PDE5A: variants seen among roughly 807,000 people sequenced by gnomAD.
PDE5A encodes cGMP-specific 3',5'-cyclic phosphodiesterase.
Under a neutral mutation model 110.2 loss-of-function variants are expected in PDE5A, and 67 were observed. The observed-to-expected ratio is 0.61, with a 90% CI of 0.50 to 0.75. PDE5A has a LOEUF of 0.75. PDE5A is among the 30% of genes least tolerant of loss of function. The pLI is 0.00. For synonymous variants in PDE5A, 328 were observed against 351.2 expected (o/e 0.93, Z 0.74); for missense variants, 862 against 1,045.1 (o/e 0.82, Z 2.42).
At position 119,496,875 on chromosome 4, in the gene PDE5A, A is replaced by C. The variant is rs1287311292; in HGVS notation, c.*1726T>G. ...GTATACAATACATATAGCATTAAAC[A>C]GTTGGTAACTTCCTAGATTAACCTT... On this transcript the variant is annotated 3_prime_UTR_variant, in exon 21 of 21. Coordinates refer to ENST00000354960, the MANE Select transcript of PDE5A (RefSeq NM_001083.4). The C allele has an allele frequency of 1.3e-5, 2 of 152,608 alleles. No homozygotes were observed. Among genetic ancestry groups the C allele is most frequent in the East Asian group, 3.9e-4 (2 of 5,192 alleles). The allele number at this position is 152,608 out of a possible 1,614,324, so 9.5% of individuals were successfully genotyped here.
chr4:119,627,139 G>A lies in PDE5A; in HGVS notation c.152+1381C>T. On this transcript the variant is annotated intron_variant, in intron 1 of 20. Coordinates refer to ENST00000354960, the MANE Select transcript of PDE5A (RefSeq NM_001083.4). This position sits in a 1 kb window ranked among gnomAD's most constrained non-coding sequence, Gnocchi z 4.6. The stretch of plus-strand genomic sequence containing the variant: ...GTGGGAAGGGACGTAGGGGGATGCT[G>A]AAGGAAGTACCTTGTTTTGTCTCCA... 6.2e-7 allele frequency: 1 copy of A among 1,612,660 alleles called. No homozygotes were observed. Among genetic ancestry groups the A allele is most frequent in the Non-Finnish European group, 8.5e-7 (1 of 1,179,246 alleles).
At chr4:119,511,348 GCCA>G (rs1228174947) in intron 14 of PDE5A, among the ~76,000 whole-genome samples, 54 of 151,962 alleles carry the variant, frequency 3.6e-4, no homozygotes, top group Non-Finnish European at 6.0e-4. Context: ...TGTGACCATT[GCCA>G]GAGTAAAGTA....
intron 10 of PDE5A, chr4:119,542,095 A>G (rs1255466042): frequency 9.8e-5 from 17 of 174,216 alleles, no homozygotes. Context: ...TTTTTCCACA[A>G]CTGTTCTCAC....
chr4:119,586,046 GCCA>G (rs1728754292), intron 3 of PDE5A, among the ~76,000 whole-genome samples: 1 of 152,190 alleles, frequency 6.6e-6, no homozygotes, highest in Non-Finnish European at 1.5e-5. Flanking sequence ...AGCTTGCTAA[GCCA>G]CTCCAGAATT....
chr4:119,620,903 A>G (rs1157427692), intron 1 of PDE5A, among the ~76,000 whole-genome samples: 4 of 152,180 alleles, frequency 2.6e-5, no homozygotes, highest in Non-Finnish European at 5.9e-5. Context: ...GTTCAGAGAG[A>G]CCCAGTGGGA....
At chr4:119,594,485 TG>T (rs5861434) in intron 3 of PDE5A, among the ~76,000 whole-genome samples, 115,285 of 152,078 alleles carry the variant, frequency 0.76, 44,042 homozygotes, top group East Asian at 0.89. Flanking sequence ...AGATGAAATT[TG>T]AGTTGGATTT....
chr4:119,613,571 A>G (rs1191021907), intron 1 of PDE5A, among the ~76,000 whole-genome samples: 1 of 152,170 alleles, frequency 6.6e-6, no homozygotes, highest in East Asian at 1.9e-4. Flanking sequence ...ATGTACACAA[A>G]TAAGTAACGG....
intron 2 of PDE5A, among the ~76,000 whole-genome samples, chr4:119,597,620 G>A (rs141277194): frequency 2.8e-4 from 42 of 152,092 alleles, no homozygotes; most frequent in African/African-American, 1.0e-3. Context: ...TCTAATAATA[G>A]CATCACTGCT....
intron 3 of PDE5A, among the ~76,000 whole-genome samples, chr4:119,571,677 GT>G (rs533963266): frequency 6.6e-6 from 1 of 152,158 alleles, no homozygotes; most frequent in African/African-American, 2.4e-5. Flanking sequence ...ATTTCTGGTA[GT>G]TTTTTTACAG....
In PDE5A at chr4:119,496,164, G is replaced by A. The variant is rs1428866978; in HGVS notation, c.*2437C>T. ...GTGGGGACTTTTCTGGCTAAAAATT[G>A]TAATTAAATGGTATGTTACTCTGTT... is the stretch of plus-strand genomic sequence containing the variant. On this transcript the variant is annotated 3_prime_UTR_variant, in exon 21 of 21. Transcript: ENST00000354960. 23 of 152,042 alleles carry A rather than the reference G, an allele frequency of 1.5e-4. No homozygotes were observed. Among genetic ancestry groups the A allele is most frequent in the Admixed American group, 1.5e-3 (23 of 15,240 alleles). The allele number at this position is 152,042 out of a possible 1,614,324, so 9.4% of individuals were successfully genotyped here.
Position 119,553,576 on chromosome 4 carries a change from G to GT in PDE5A, c.1308+61dup, listed in dbSNP as rs879241401. The GT allele has an allele frequency of 3.6e-5, 30 of 826,238 alleles. No individual in the cohort carries two copies. The South Asian group carries it at 4.0e-4, about 11-fold the overall frequency. The allele number at this position is 826,238 out of a possible 1,614,324, so 51.2% of individuals were successfully genotyped here. ...CCAGTCCTTCAGTTCAAGAATAACT[G>GT]TAAGTACAGATGTGATGGGAAAACA... On this transcript the variant is annotated intron_variant, in intron 8 of 20. Coordinates refer to ENST00000354960, the MANE Select transcript of PDE5A (RefSeq NM_001083.4).
In PDE5A at chr4:119,511,231, ACTT is replaced by A. The variant is rs112820179; in HGVS notation, c.2001-100_2001-98del. The A allele has an allele frequency of 2.6e-3, 1,729 of 673,742 alleles. 17 individuals carry two copies. The African/African-American group carries it at 0.028, about 11-fold the overall frequency. 41.7% of individuals were successfully genotyped at this position (673,742 alleles called of 1,614,324 possible). ...TTACTGTTTAACTACAAAAGAGGCT[ACTT>A]CACAAAATTAATCAACTAACAATTT... On this transcript the variant is annotated intron_variant, in intron 14 of 20. Transcript: ENST00000354960.
At chr4:119,502,231 T>C (rs1425953747) in intron 19 of PDE5A, among the ~76,000 whole-genome samples, 2 of 152,210 alleles carry the variant, frequency 1.3e-5, no homozygotes, top group African/African-American at 4.8e-5. Flanking sequence ...ACACTGCAAA[T>C]ATTACACCAA....
intron 2 of PDE5A, 37 bp from the exon 3 acceptor site, chr4:119,596,649 C>T (rs1729162490): frequency 8.6e-7 from 1 of 1,159,410 alleles, no homozygotes. Context: ...AATGACTGAC[C>T]TGTTCAAAGA....
chr4:119,498,994 A>C (rs111615296), intron 20 of PDE5A, among the ~76,000 whole-genome samples: 1 of 152,200 alleles, frequency 6.6e-6, no homozygotes, highest in Non-Finnish European at 1.5e-5. Context: ...AGGGAGACAG[A>C]TCTGTGTGGA....
At chr4:119,612,780 G>A (rs917935195) in intron 1 of PDE5A, among the ~76,000 whole-genome samples, 3 of 152,166 alleles carry the variant, frequency 2.0e-5, no homozygotes, top group Non-Finnish European at 2.9e-5. Context: ...CTGAAACTGT[G>A]AGCAACAAAT....
Position 119,606,950 on chromosome 4 carries a change from G to T in PDE5A, c.500C>A (p.Ala167Asp), listed in dbSNP as rs1376822613. 3 of 1,614,016 alleles carry T rather than the reference G, an allele frequency of 1.9e-6. No individual in the cohort carries two copies. The African/African-American group carries it at 4.0e-5, about 22-fold the overall frequency. ...KDISSHLDVT[A>D]LCHKIFLHIH... ...ATGCAAGAAAATTTTGTGACATAAGGCTGTGACATCCAAATGACTAGAAAT... is the reference window on the plus strand; with the variant it reads ...ATGCAAGAAAATTTTGTGACATAAGTCTGTGACATCCAAATGACTAGAAAT... The change falls in exon 2 of 21, where the codon GCC becomes GAC. Residue 167 changes from alanine (A) to aspartate (D), a missense_variant. Coordinates refer to ENST00000354960, the MANE Select transcript of PDE5A (RefSeq NM_001083.4).
At chr4:119,523,533 C>A (rs1382304424) in intron 12 of PDE5A, among the ~76,000 whole-genome samples, 3 of 151,888 alleles carry the variant, frequency 2.0e-5, no homozygotes. Context: ...AGAATGATGG[C>A]AATGTTCAAG....
At chr4:119,564,220 G>C (rs543014676) in intron 5 of PDE5A, among the ~76,000 whole-genome samples, 3 of 152,088 alleles carry the variant, frequency 2.0e-5, no homozygotes, top group Admixed American at 2.0e-4. Context: ...AGGACAACAT[G>C]GATGCTAGTT....
Sources: gnomAD v4.1 joint callset for allele counts (sites outside exome capture counted in the v4.1 genomes callset) on GRCh38, gnomAD v4.1.1 for gene constraint, Gnocchi (gnomAD v3.1) non-coding constraint, MANE v1.5 for transcripts, NCBI Gene and HGNC (gene_info 2026-07-23, HGNC 2026-07-21) for gene names.